Variants in PPP1R12A observed in about 807,000 individuals in gnomAD.
The protein encoded by PPP1R12A is protein phosphatase 1 regulatory subunit 12A.
Under a neutral mutation model 139.6 loss-of-function variants are expected in PPP1R12A, and 19 were observed. The ratio of observed to expected loss-of-function variants is 0.14; its 90% CI spans 0.09 to 0.20. The LOEUF (loss-of-function observed/expected upper bound fraction) is 0.20. Ranked by LOEUF, PPP1R12A falls within the 10% of genes least tolerant of loss-of-function variation. The pLI, the probability that PPP1R12A is intolerant of heterozygous loss-of-function variation, is 1.00. For missense variants in PPP1R12A, 925 were observed against 1,211.5 expected, an observed-to-expected ratio of 0.76 and a Z score of 3.51; for synonymous variants, 427 against 420.6, an observed-to-expected ratio of 1.02 and a Z score of -0.19.
Position 79,788,754 on chromosome 12 carries a change from T to C in PPP1R12A, c.2696A>G (p.Asp899Gly). 5 of 1,611,618 alleles carry C rather than the reference T, an allele frequency of 3.1e-6. No homozygotes were observed. The highest frequency in any genetic ancestry group is 1.3e-5 in the African/African-American group (1 of 74,982). Reference sequence around the variant, plus strand: ...GCGACCCAGCAAGGAATCATATCGATCACCAGCTGATGTAGAACTGGTTTC... The same window carrying C: ...GCGACCCAGCAAGGAATCATATCGACCACCAGCTGATGTAGAACTGGTTTC... ...RYETSSTSAG[D>G]RYDSLLGRSG... Residue 899 changes from aspartate to glycine, a missense_variant, in exon 21 of 25, where the codon GAT (aspartate) becomes GGT (glycine). Physicochemically the swap from Asp to Gly is moderately conservative, Grantham distance 94 (BLOSUM62 -1). Transcript: ENST00000450142.
At chr12:79,886,922 T>G (rs536652001) in intron 1 of PPP1R12A, among the ~76,000 whole-genome samples, 179 of 152,276 alleles carry the variant, frequency 1.2e-3, no homozygotes, top group Middle Eastern at 3.4e-3. Flanking sequence ...ACCTAGATTT[T>G]TAGAAGCCAA....
intron 17 of PPP1R12A, 105 bp from the exon 18 acceptor site, chr12:79,795,864 G>A (rs1872448801): frequency 9.4e-7 from 1 of 1,058,294 alleles, no homozygotes. Context: ...ACTATCTAGG[G>A]GGATGGAAGG....
intron 3 of PPP1R12A, among the ~76,000 whole-genome samples, chr12:79,834,413 G>C (rs537179653): frequency 6.6e-6 from 1 of 152,268 alleles, no homozygotes; most frequent in South Asian, 2.1e-4. Flanking sequence ...GAAAAGTTGA[G>C]TAGATACTGA....
intron 1 of PPP1R12A, among the ~76,000 whole-genome samples, chr12:79,919,554 CAAAA>C (rs111334718): frequency 8.9e-6 from 1 of 112,116 alleles, no homozygotes; most frequent in Non-Finnish European, 1.9e-5. Flanking sequence ...GACTCCATCT[CAAAA>C]AAAAAAAAAA....
At position 79,850,900 on chromosome 12, in the gene PPP1R12A, TAA is replaced by T; in HGVS notation, c.369-5482_369-5481del. 2.0e-5 allele frequency among the ~76,000 whole-genome samples: 3 copies of T among 152,314 alleles called. No homozygotes were observed. The Middle Eastern group carries it at 0.01, about 518-fold the overall frequency. ...TCCCCTTTGCCTTCTGCCATAATTC[TAA>T]GTTTCCTGAGGCTTCCCCTGCCATG... On this transcript the variant is annotated intron_variant, in intron 2 of 24. Transcript: ENST00000450142.
chr12:79,920,090 C>T (rs1887320418), intron 1 of PPP1R12A, among the ~76,000 whole-genome samples: 1 of 152,198 alleles, frequency 6.6e-6, no homozygotes, highest in Admixed American at 6.5e-5. Flanking sequence ...CACAGATTTG[C>T]CTATTCTGGA....
upstream of PPP1R12A, chr12:79,935,098 G>A (rs999951967): frequency 1.5e-6 from 2 of 1,367,628 alleles, no homozygotes; most frequent in African/African-American, 1.5e-5. Flanking sequence ...ACAGAGCACT[G>A]GGGCGGCGCA....
At chr12:79,873,232 T>C (rs1203852524) in intron 1 of PPP1R12A, among the ~76,000 whole-genome samples, 1 of 152,034 alleles carries the variant, frequency 6.6e-6, no homozygotes, top group Non-Finnish European at 1.5e-5. Context: ...GTACTAACAA[T>C]AGTCTCTATA....
chr12:79,859,381 A>AG (rs1289451356), intron 2 of PPP1R12A, among the ~76,000 whole-genome samples: 1 of 150,930 alleles, frequency 6.6e-6, no homozygotes, highest in Non-Finnish European at 1.5e-5. Flanking sequence ...AACAGTGCTC[A>AG]GGATCAAAGA....
At chr12:79,778,160 A>ACCC (rs544057059) in intron 24 of PPP1R12A, among the ~76,000 whole-genome samples, 1 of 152,044 alleles carries the variant, frequency 6.6e-6, no homozygotes, top group Non-Finnish European at 1.5e-5. Context: ...TTTTATAGTA[A>ACCC]CCCCCTCCAC....
chr12:79,931,619 T>C (rs1186801788), intron 1 of PPP1R12A, among the ~76,000 whole-genome samples: 1 of 152,164 alleles, frequency 6.6e-6, no homozygotes, highest in African/African-American at 2.4e-5. Context: ...TATGCTAAAA[T>C]AGAGATATAA....
intron 1 of PPP1R12A, among the ~76,000 whole-genome samples, chr12:79,917,261 T>G (rs1405896929): frequency 1.3e-5 from 2 of 151,492 alleles, no homozygotes; most frequent in Non-Finnish European, 2.9e-5. Context: ...CCGAGGCGGG[T>G]GGATCACGAG....
Position 79,788,775 on chromosome 12 carries a change from G to T in PPP1R12A, c.2675C>A (p.Thr892Asn). 6.2e-7 allele frequency: 1 copy of T among 1,600,890 alleles called. No individual in the cohort carries two copies. The highest frequency in any genetic ancestry group is 1.3e-5 in the African/African-American group (1 of 74,284). The change falls in exon 21 of 25, where the codon ACC (threonine) becomes AAC (asparagine). Residue 892 changes from threonine (T) to asparagine (N), a missense_variant. Physicochemically the swap from Thr to Asn is moderately conservative, Grantham distance 65. This residue lies in a region of PPP1R12A where 315 missense variants were observed against 363.4 expected (regional missense o/e 0.87). Transcript: ENST00000450142. ...TQTDSISRYE[T>N]SSTSAGDRYD... ...TCGATCACCAGCTGATGTAGAACTGGTTTCATATCTTCAAAAGATTAATTT... is the reference window on the plus strand; with the variant it reads ...TCGATCACCAGCTGATGTAGAACTGTTTTCATATCTTCAAAAGATTAATTT...
intron 3 of PPP1R12A, among the ~76,000 whole-genome samples, chr12:79,833,103 G>A (rs1420980304): frequency 2.0e-5 from 3 of 152,018 alleles, no homozygotes; most frequent in Non-Finnish European, 4.4e-5. Flanking sequence ...ACCCTAGGTT[G>A]AGGTGATAAA....
chr12:79,915,143 G>A (rs1047199740), intron 1 of PPP1R12A, among the ~76,000 whole-genome samples: 1 of 152,038 alleles, frequency 6.6e-6, no homozygotes, highest in African/African-American at 2.4e-5. Context: ...TGTTTTTCAA[G>A]GGGCTCATAA....
chr12:79,775,726 A>C lies in PPP1R12A; in HGVS notation c.*203T>G. On this transcript the variant is annotated 3_prime_UTR_variant, in exon 25 of 25. Transcript: ENST00000450142. ...AAACAATGGTCTTGATTAAAAAAAA[A>C]AAACAAAAAACAAACCAACAACAAC... The C allele has an allele frequency of 2.6e-6, 1 of 390,442 alleles. No homozygotes were observed. The highest frequency in any genetic ancestry group is 4.6e-6 in the Non-Finnish European group (1 of 219,104). 24.2% of individuals were successfully genotyped at this position (390,442 alleles called of 1,614,324 possible). A position where few individuals can be genotyped will look rare whatever the true frequency, so the allele number is the denominator to read the frequency against.
At chr12:79,859,354 GA>G (rs1160349807) in intron 2 of PPP1R12A, among the ~76,000 whole-genome samples, 893 of 40,162 alleles carry the variant, frequency 0.022, 9 homozygotes, top group African/African-American at 0.061. Context: ...AAAAAAGAAA[GA>G]AAAAAAAAAA....
At chr12:79,908,765 T>C (rs900622829) in intron 1 of PPP1R12A, among the ~76,000 whole-genome samples, 1 of 152,204 alleles carries the variant, frequency 6.6e-6, no homozygotes, top group Non-Finnish European at 1.5e-5. Context: ...ATGTTAACAG[T>C]GTTCAGATAA....
chr12:79,797,568 T>A (rs1042165984), intron 15 of PPP1R12A, among the ~76,000 whole-genome samples, 173 bp from the exon 16 acceptor site: 3 of 152,116 alleles, frequency 2.0e-5, no homozygotes, highest in Non-Finnish European at 4.4e-5. Flanking sequence ...GAATCACCAT[T>A]AGCAAGCACA....
Sources: allele counts gnomAD v4.1 joint callset (sites outside exome capture counted in the v4.1 genomes callset), GRCh38; gene constraint gnomAD v4.1.1; regional missense constraint gnomAD v4.1.1; transcripts MANE v1.5; gene names NCBI Gene and HGNC (gene_info 2026-07-23, HGNC 2026-07-21).